The following MAML2 variants were observed in gnomAD, a reference collection of about 807,000 sequenced individuals.
The protein encoded by MAML2 is mastermind like transcriptional coactivator 2.
MAML2 carries 22 observed loss-of-function variants against 96.1 expected under a neutral mutation model. That is an observed-to-expected ratio of 0.23 (90% CI 0.16 to 0.33). The LOEUF is 0.33. Ranked by LOEUF, MAML2 falls within the 10% of genes least tolerant of loss-of-function variation. MAML2 has a pLI of 1.00. For missense variants in MAML2, 1,367 were observed against 1,392.4 expected, an observed-to-expected ratio of 0.98 and a Z score of 0.29; for synonymous variants, 561 against 521.3, an observed-to-expected ratio of 1.08 and a Z score of -1.04.
intron 2 of MAML2, among the ~76,000 whole-genome samples, chr11:96,061,922 G>A (rs1022145697): frequency 6.6e-6 from 1 of 151,984 alleles, no homozygotes; most frequent in Non-Finnish European, 1.5e-5. Context: ...TAACGTGAAA[G>A]CTTTGTTCAG....
intron 1 of MAML2, among the ~76,000 whole-genome samples, chr11:96,261,533 G>T (rs1483399255): frequency 6.6e-6 from 1 of 152,124 alleles, no homozygotes; most frequent in Admixed American, 6.6e-5. Context: ...GTTTATACAA[G>T]CCTATAACCT....
At chr11:96,118,038 T>C (rs1015714688) in intron 1 of MAML2, among the ~76,000 whole-genome samples, 4 of 152,206 alleles carry the variant, frequency 2.6e-5, no homozygotes, top group Admixed American at 1.3e-4. Flanking sequence ...TGTAAGACAC[T>C]GGGCTTGGGT....
In MAML2 at chr11:96,255,936, C is replaced by T. The variant is rs974621750; in HGVS notation, c.513+85447G>A. Among the ~76,000 whole-genome samples the T allele has an allele frequency of 4.3e-5, 6 of 138,484 alleles. No homozygotes were observed. In the South Asian group the frequency reaches 1.5e-3, roughly 34 times the overall value. 90.9% of individuals were successfully genotyped at this position (138,484 alleles called of 152,430 possible). A position where few individuals can be genotyped will look rare whatever the true frequency, so the allele number is the denominator to read the frequency against. On this transcript the variant is annotated intron_variant, in intron 1 of 4. Transcript: ENST00000524717. ...TTGCCCAGGCTGAAGTGCAATGGCG[C>T]GATCTTGGCTTACTGCAACCTCTGC...
chr11:96,289,190 A>G (rs1863178619), intron 1 of MAML2, among the ~76,000 whole-genome samples: 1 of 152,226 alleles, frequency 6.6e-6, no homozygotes, highest in Non-Finnish European at 1.5e-5. Flanking sequence ...ACGACTGGGA[A>G]AAAGACTATT....
intron 1 of MAML2, among the ~76,000 whole-genome samples, chr11:96,260,865 A>G (rs1270272680): frequency 6.6e-6 from 1 of 152,178 alleles, no homozygotes. Context: ...CAACTCTTAA[A>G]AAGGTTGTTT....
chr11:96,165,038 GATCT>G (rs1861170435), intron 1 of MAML2, among the ~76,000 whole-genome samples: 1 of 152,090 alleles, frequency 6.6e-6, no homozygotes, highest in South Asian at 2.1e-4. Flanking sequence ...AAACGAAAGA[GATCT>G]ATCTACCATC....
chr11:96,316,011 T>C (rs990574655), intron 1 of MAML2, among the ~76,000 whole-genome samples: 1 of 152,236 alleles, frequency 6.6e-6, no homozygotes, highest in Admixed American at 6.5e-5. Flanking sequence ...TATGTAAGCC[T>C]GTGACTTTTC....
chr11:96,318,591 C>G (rs1178215231), intron 1 of MAML2, among the ~76,000 whole-genome samples: 1 of 152,188 alleles, frequency 6.6e-6, no homozygotes, highest in Non-Finnish European at 1.5e-5. Flanking sequence ...CATACTCAGT[C>G]TGAAACAACG....
At position 96,093,004 on chromosome 11, in the gene MAML2, C is replaced by T; in HGVS notation, c.1027G>A (p.Asp343Asn). The T allele has an allele frequency of 6.2e-7, 1 of 1,613,980 alleles. No homozygotes were observed. The highest frequency in any genetic ancestry group is 8.5e-7 in the Non-Finnish European group (1 of 1,179,886). The change falls in exon 2 of 5, where the codon GAC becomes AAC. Residue 343 changes from aspartate (D) to asparagine (N), a missense_variant. Physicochemically the swap from Asp to Asn is conservative, Grantham distance 23. Coordinates refer to ENST00000524717, the MANE Select transcript of MAML2 (RefSeq NM_032427.4). ...TIKQDDPFNI[D>N]LGQQSQRSTP... ...CTCCTCTGGCTTTGCTGACCCAAGT[C>T]AATGTTAAATGGGTCATCCTGCTTT...
chr11:96,053,917 T>A (rs994758718), intron 2 of MAML2, among the ~76,000 whole-genome samples: 1 of 152,210 alleles, frequency 6.6e-6, no homozygotes, highest in Non-Finnish European at 1.5e-5. Flanking sequence ...TATGTGTATC[T>A]GTGACTCAGA....
At chr11:96,333,081 G>T (rs995500195) in intron 1 of MAML2, among the ~76,000 whole-genome samples, 8 of 152,150 alleles carry the variant, frequency 5.3e-5, no homozygotes, top group African/African-American at 1.4e-4. Flanking sequence ...GTACAATGAG[G>T]CATTTAAGGT....
intron 1 of MAML2, among the ~76,000 whole-genome samples, chr11:96,170,881 A>AT (rs1415238863): frequency 6.6e-6 from 1 of 151,976 alleles, no homozygotes; most frequent in African/African-American, 2.4e-5. Context: ...CACCTGTCTA[A>AT]TTTTTTGTAT....
intron 2 of MAML2, among the ~76,000 whole-genome samples, chr11:96,029,919 T>A (rs757221392): frequency 4.6e-5 from 7 of 152,210 alleles, no homozygotes; most frequent in Non-Finnish European, 8.8e-5. Flanking sequence ...TTCAGCTAAT[T>A]TTTTTAAAAG....
At chr11:96,239,200 A>G (rs1862400803) in intron 1 of MAML2, among the ~76,000 whole-genome samples, 1 of 152,248 alleles carries the variant, frequency 6.6e-6, no homozygotes, top group African/African-American at 2.4e-5. Context: ...TGTTCTCTAA[A>G]TGGCTGTTAT....
chr11:96,228,485 A>G (rs1450500390), intron 1 of MAML2, among the ~76,000 whole-genome samples: 1 of 152,190 alleles, frequency 6.6e-6, no homozygotes, highest in Non-Finnish European at 1.5e-5. Context: ...CCATGTACAT[A>G]CACCTTGACT....
intron 1 of MAML2, among the ~76,000 whole-genome samples, chr11:96,200,308 T>C (rs1861800223): frequency 6.6e-6 from 1 of 152,256 alleles, no homozygotes; most frequent in Admixed American, 6.5e-5. Flanking sequence ...GAGCTCTGCA[T>C]GGCCCAGCTG....
chr11:96,168,566 C>T (rs1404844102), intron 1 of MAML2, among the ~76,000 whole-genome samples: 2 of 152,150 alleles, frequency 1.3e-5, no homozygotes, highest in Non-Finnish European at 2.9e-5. Context: ...GATCTCAGAA[C>T]CTGCATTTCT....
At chr11:95,986,799 C>A (rs990347809) in intron 3 of MAML2, among the ~76,000 whole-genome samples, 5 of 152,118 alleles carry the variant, frequency 3.3e-5, no homozygotes, top group African/African-American at 1.2e-4. Context: ...TCTCAGCTCC[C>A]CATTCTAAAA....
intron 1 of MAML2, among the ~76,000 whole-genome samples, chr11:96,244,650 C>T (rs964261018): frequency 3.9e-5 from 6 of 152,158 alleles, no homozygotes; most frequent in Admixed American, 3.3e-4. Flanking sequence ...TTCACCCCTA[C>T]GACTCTACAG....
Sources: gnomAD v4.1 joint callset for allele counts (sites outside exome capture counted in the v4.1 genomes callset) on GRCh38, gnomAD v4.1.1 for gene constraint, MANE v1.5 for transcripts, NCBI Gene and HGNC (gene_info 2026-07-23, HGNC 2026-07-21) for gene names.